ZC3H13: variants seen among roughly 807,000 people sequenced by gnomAD.
The protein encoded by ZC3H13 is zinc finger CCCH-type containing 13.
ZC3H13 carries 64 observed loss-of-function variants against 204.1 expected under a neutral mutation model. The ratio of observed to expected loss-of-function variants is 0.31; its 90% CI spans 0.26 to 0.39. The LOEUF (loss-of-function observed/expected upper bound fraction) is 0.39, where lower values mean the gene tolerates loss of function less well. Among genes scored for constraint, ZC3H13 ranks in the 10% least tolerant of loss-of-function variants. The pLI is 1.00. For missense variants in ZC3H13, 1,833 were observed against 2,082.7 expected, an observed-to-expected ratio of 0.88 and a Z score of 2.33; for synonymous variants, 667 against 693.7, an observed-to-expected ratio of 0.96 and a Z score of 0.60.
At chr13:45,975,900 C>T in intron 11 of ZC3H13, 62 bp from the exon 12 acceptor site, 2 of 1,503,422 alleles carry the variant, frequency 1.3e-6, no homozygotes, top group African/African-American at 3.4e-5. Context: ...GGTAAGACAG[C>T]ATGGTAAATC....
intron 4 of ZC3H13, 80 bp downstream of exon 4, chr13:46,042,084 A>G: frequency 9.2e-7 from 1 of 1,087,226 alleles, no homozygotes; most frequent in South Asian, 1.3e-5. Context: ...CCATATATTT[A>G]GCACACAATA....
intron 7 of ZC3H13, 198 bp downstream of exon 7, chr13:46,010,150 T>C (rs1013016161): frequency 4.7e-6 from 2 of 421,434 alleles, no homozygotes; most frequent in Non-Finnish European, 4.0e-6. Context: ...GAAGCATATG[T>C]GGATGTTACA....
intron 10 of ZC3H13, among the ~76,000 whole-genome samples, chr13:45,984,967 T>C (rs991843822): frequency 2.0e-5 from 3 of 152,170 alleles, no homozygotes; most frequent in Non-Finnish European, 2.9e-5. Context: ...TTAATGAACA[T>C]TTTATCATAT....
intron 9 of ZC3H13, among the ~76,000 whole-genome samples, chr13:45,987,382 A>C (rs1280691186): frequency 6.6e-6 from 1 of 152,194 alleles, no homozygotes; most frequent in Non-Finnish European, 1.5e-5. Context: ...GTTTTCATTC[A>C]ATAAGTAGTC....
At chr13:46,014,272 G>A (rs1327969596) in intron 5 of ZC3H13, among the ~76,000 whole-genome samples, 1 of 151,966 alleles carries the variant, frequency 6.6e-6, no homozygotes, top group Non-Finnish European at 1.5e-5. Context: ...ATAGGTACAG[G>A]TTGATGTACC....
chr13:46,050,001 C>T (rs1479247402), intron 1 of ZC3H13, among the ~76,000 whole-genome samples: 1 of 152,054 alleles, frequency 6.6e-6, no homozygotes, highest in Non-Finnish European at 1.5e-5. Flanking sequence ...TTCTCAAACA[C>T]GAGCATTATC....
Position 46,003,193 on chromosome 13 carries a change from C to T in ZC3H13, c.890G>A (p.Gly297Glu). The T allele has an allele frequency of 6.2e-7, 1 of 1,612,964 alleles. No homozygotes were observed. Among genetic ancestry groups the T allele is most frequent in the Non-Finnish European group, 8.5e-7 (1 of 1,179,758 alleles). Residue 297 changes from glycine to glutamate, a missense_variant, in exon 8 of 19, where the codon GGA becomes GAA. Gly to Glu is a moderately conservative substitution (Grantham distance 98). Around this residue, in one of 5 missense-constraint regions of ZC3H13, gnomAD observed 1,574 missense variants for 1,757.2 expected, o/e 0.90. Transcript: ENST00000679008. ...KDRIEEKTRD[G>E]KDRGRDFERQ... ...TTCAAAATCTCGTCCTCTGTCCTTT[C>T]CATCTCTTGTTTTTTCTTCTATCCT...
chr13:46,018,314 G>A (rs1250289897), intron 5 of ZC3H13, among the ~76,000 whole-genome samples: 2 of 152,134 alleles, frequency 1.3e-5, no homozygotes, highest in South Asian at 2.1e-4. Context: ...AGTATCAGGT[G>A]AAACAGTATC....
intron 12 of ZC3H13, among the ~76,000 whole-genome samples, chr13:45,974,483 T>C (rs1370552603): frequency 6.6e-6 from 1 of 152,206 alleles, no homozygotes; most frequent in African/African-American, 2.4e-5. Context: ...ACTTCCTAGA[T>C]ATTTGAGCAA....
At chr13:45,962,459 A>C (rs1231948883) in intron 17 of ZC3H13, 1 of 984,576 alleles carries the variant, frequency 1.0e-6, no homozygotes, top group African/African-American at 1.7e-5. Flanking sequence ...GTTTTATTCC[A>C]TCACTTTACA....
chr13:45,983,065 C>G (rs2138149057), intron 10 of ZC3H13, among the ~76,000 whole-genome samples: 1 of 152,106 alleles, frequency 6.6e-6, no homozygotes, highest in Middle Eastern at 3.4e-3. Flanking sequence ...AACAAACAGA[C>G]TAAGAAAAAT....
intron 17 of ZC3H13, chr13:45,963,058 T>A: frequency 1.0e-6 from 1 of 984,772 alleles, no homozygotes. Flanking sequence ...GGTATTACTA[T>A]ATGCCAGGAA....
At position 45,968,812 on chromosome 13, in the gene ZC3H13, T is replaced by C. The variant is rs1593468087; in HGVS notation, c.3732A>G (p.Thr1244=). ...GATCAATCCTAGATTTTCTCTCTCC[T>C]GTGATTTCCAGGCTTTTTGTTTTTT... ...DREKTKSLEI[T]GERKSRIDQL... Residue 1244 remains threonine, a synonymous_variant, in exon 14 of 19, where the codon ACA becomes ACG. Transcript: ENST00000679008. 1.2e-6 allele frequency: 2 copies of C among 1,613,810 alleles called. No individual in the cohort carries two copies. The highest frequency in any genetic ancestry group is 1.7e-6 in the Non-Finnish European group (2 of 1,179,922).
In ZC3H13 at chr13:45,969,322, G is replaced by A; in HGVS notation, c.3222C>T (p.Asp1074=). The A allele has an allele frequency of 1.2e-6, 2 of 1,613,782 alleles. No homozygotes were observed. Among genetic ancestry groups the A allele is most frequent in the East Asian group, 4.5e-5 (2 of 44,898 alleles). The stretch of plus-strand genomic sequence containing the variant: ...GCTCTGCTTCTGTCACCTCTGTACG[G>A]TCAGGGACATCCTCATCAGACCAGT... The part of the protein sequence containing the change: ...FSDWSDEDVP[D]RTEVTEAEHT... Residue 1074 remains aspartate (D), a synonymous_variant, in exon 14 of 19, where the codon GAC becomes GAT. Coordinates refer to ENST00000679008, the MANE Select transcript of ZC3H13 (RefSeq NM_001330564.2).
intron 17 of ZC3H13, chr13:45,962,374 C>T (rs1464645192): frequency 1.0e-6 from 1 of 985,166 alleles, no homozygotes. Context: ...AAAATCAAAC[C>T]AGATTTTAAC....
In ZC3H13 at chr13:46,003,467, T is replaced by G. The variant is rs1166516423; in HGVS notation, c.747-131A>C. 3 of 734,954 alleles carry G rather than the reference T, an allele frequency of 4.1e-6. No individual in the cohort carries two copies. In the African/African-American group the frequency reaches 5.6e-5, roughly 14 times the overall value. The allele number at this position is 734,954 out of a possible 1,614,324, so 45.5% of individuals were successfully genotyped here. ...TTATTTTGTATACTACTAACCAATA[T>G]CAAGAAGAAAAAAAAACTAACAGAA... On this transcript the variant is annotated intron_variant, in intron 7 of 18. Coordinates refer to ENST00000679008, the MANE Select transcript of ZC3H13 (RefSeq NM_001330564.2).
chr13:45,963,883 T>C lies in ZC3H13; in HGVS notation c.4634A>G (p.Lys1545Arg). The C allele has an allele frequency of 6.2e-7, 1 of 1,614,136 alleles. No homozygotes were observed. The highest frequency in any genetic ancestry group is 8.5e-7 in the Non-Finnish European group (1 of 1,179,998). The change falls in exon 17 of 19, where the codon AAA (lysine) becomes AGA (arginine). Residue 1545 changes from lysine (K) to arginine (R), a missense_variant. Physicochemically the swap from Lys to Arg is conservative, Grantham distance 26. Coordinates refer to ENST00000679008, the MANE Select transcript of ZC3H13 (RefSeq NM_001330564.2). The stretch of plus-strand genomic sequence containing the variant: ...AAGTCTCTGACATGTTTCTTTGACT[T>C]TGGCAAAGAGTTCAGAACCTGCCAA... ...KKLAGSELFA[K>R]VKETCQRLLE...
In ZC3H13 at chr13:45,959,537, C is replaced by T. The variant is rs904005287; in HGVS notation, c.4785G>A (p.Ala1595=). 1.9e-5 allele frequency: 30 copies of T among 1,548,156 alleles called. No homozygotes were observed. The African/African-American group carries it at 3.2e-4, about 16-fold the overall frequency. ...LLSNLGPCCK[A]LCFRRDSAIR... ...TTGCAGAATCCCGTCTGAAGCACAACGCCTTACAACATGGGCCAAGATTAC... is the reference window on the plus strand; with the variant it reads ...TTGCAGAATCCCGTCTGAAGCACAATGCCTTACAACATGGGCCAAGATTAC... Residue 1595 remains alanine, a synonymous_variant, in exon 18 of 19, where the codon GCG becomes GCA. Transcript: ENST00000679008.
chr13:46,023,115 C>T (rs1397611564), intron 4 of ZC3H13, among the ~76,000 whole-genome samples: 3 of 152,112 alleles, frequency 2.0e-5, no homozygotes, highest in Admixed American at 6.5e-5. Context: ...GAGTTGAGAA[C>T]CATTATTAGT....
Sources: allele counts gnomAD v4.1 joint callset (sites outside exome capture counted in the v4.1 genomes callset), GRCh38; gene constraint gnomAD v4.1.1; regional missense constraint gnomAD v4.1.1; transcripts MANE v1.5; gene names NCBI Gene and HGNC (gene_info 2026-07-23, HGNC 2026-07-21).